Variants in PDE10A observed in about 807,000 individuals in gnomAD.
PDE10A encodes the protein cAMP and cAMP-inhibited cGMP 3',5'-cyclic phosphodiesterase 10A.
PDE10A carries 39 observed loss-of-function variants against 97.7 expected under a neutral mutation model. That is an observed-to-expected ratio of 0.40 (90% confidence interval 0.31 to 0.52). The LOEUF is 0.52. PDE10A is among the 20% of genes least tolerant of loss of function. The pLI is 0.56. For missense variants in PDE10A, 731 were observed against 1,047.8 expected (o/e 0.70, Z 4.17); for synonymous variants, 371 against 376.8 (o/e 0.98, Z 0.18).
At chr6:165,970,813 A>T (rs776359) in intron 1 of PDE10A, among the ~76,000 whole-genome samples, 90,402 of 152,090 alleles carry the variant, frequency 0.59, 28,197 homozygotes, top group East Asian at 0.92. Flanking sequence ...AGAAAGTATT[A>T]TCAGAACATG....
intron 5 of PDE10A, among the ~76,000 whole-genome samples, chr6:165,442,771 C>T (rs1372388964): frequency 1.3e-5 from 2 of 152,050 alleles, no homozygotes; most frequent in South Asian, 2.1e-4. Context: ...CAAGACCAAT[C>T]AGGTCTTCCC....
chr6:165,744,070 A>G (rs1192561792), intron 1 of PDE10A, among the ~76,000 whole-genome samples: 2 of 152,212 alleles, frequency 1.3e-5, no homozygotes, highest in Non-Finnish European at 2.9e-5. Flanking sequence ...CAGGTCATCT[A>G]TTTAAAAGGA....
At chr6:165,973,310 T>A (rs927545426) in intron 1 of PDE10A, among the ~76,000 whole-genome samples, 1 of 151,914 alleles carries the variant, frequency 6.6e-6, no homozygotes, top group Non-Finnish European at 1.5e-5. Flanking sequence ...TCCCAGCTAC[T>A]TGGGAGGCAG....
chr6:165,683,044 G>A (rs565399730), intron 1 of PDE10A, among the ~76,000 whole-genome samples: 81 of 152,278 alleles, frequency 5.3e-4, no homozygotes, highest in Non-Finnish European at 8.4e-4. Flanking sequence ...CTGCATAGAC[G>A]GTTGCACCTT....
intron 1 of PDE10A, among the ~76,000 whole-genome samples, chr6:165,933,832 G>C (rs1562804796): frequency 6.6e-6 from 1 of 152,184 alleles, no homozygotes; most frequent in East Asian, 1.9e-4. Context: ...TACCTTCCAA[G>C]TGTAGCCGGG....
In PDE10A at chr6:165,603,654, G is replaced by C. The variant is rs552887064; in HGVS notation, c.865+58293C>G. Among the ~76,000 whole-genome samples, 96 of 152,368 alleles carry C rather than the reference G, an allele frequency of 6.3e-4. 2 individuals are homozygous for C. The highest frequency in any genetic ancestry group is 1.3e-3 in the African/African-American group (52 of 41,588). On this transcript the variant is annotated intron_variant, in intron 1 of 21. Coordinates refer to ENST00000539869, the MANE Select transcript of PDE10A (RefSeq NM_001385079.1). ...GGAGCAGCGTCCCAGTGAGGACTCT[G>C]GGGAGGGCCCATGCTCTGTGTCCTA...
intron 1 of PDE10A, among the ~76,000 whole-genome samples, chr6:165,729,012 A>G (rs1480869557): frequency 6.6e-6 from 1 of 152,222 alleles, no homozygotes; most frequent in Non-Finnish European, 1.5e-5. Flanking sequence ...AGCCTGGACA[A>G]CATGGTGAGA....
At chr6:165,964,960 G>T (rs192259089) in intron 1 of PDE10A, among the ~76,000 whole-genome samples, 1 of 152,206 alleles carries the variant, frequency 6.6e-6, no homozygotes. Context: ...GGGGAGAGAG[G>T]CATCAAGCCT....
intron 1 of PDE10A, among the ~76,000 whole-genome samples, chr6:165,929,256 C>T (rs879573796): frequency 1.3e-5 from 2 of 152,180 alleles, no homozygotes; most frequent in South Asian, 2.1e-4. Flanking sequence ...CAGGAGTCCT[C>T]GAGTGCAGGT....
chr6:165,422,402 TACGCATAC>T, intron 10 of PDE10A, among the ~76,000 whole-genome samples: 1 of 140,018 alleles, frequency 7.1e-6, no homozygotes, highest in Non-Finnish European at 1.5e-5. Flanking sequence ...CATACACACA[TACGCATAC>T]ACACATATGC....
chr6:165,407,329 A>G (rs553646549), intron 13 of PDE10A, among the ~76,000 whole-genome samples: 1 of 152,300 alleles, frequency 6.6e-6, no homozygotes, highest in South Asian at 2.1e-4. Context: ...CCCTGGCTCT[A>G]TCACATACTT....
Position 165,332,191 on chromosome 6 carries a change from A to G in PDE10A, c.*834T>C, listed in dbSNP as rs1363737138. 6.6e-6 allele frequency: 1 copy of G among 152,212 alleles called. No homozygotes were observed. Among genetic ancestry groups the G allele is most frequent in the Non-Finnish European group, 1.5e-5 (1 of 68,036 alleles). 9.4% of individuals were successfully genotyped at this position (152,212 alleles called of 1,614,324 possible). On this transcript the variant is annotated 3_prime_UTR_variant, in exon 22 of 22. Coordinates refer to ENST00000539869, the MANE Select transcript of PDE10A (RefSeq NM_001385079.1). ...AGACTTGTCCATTAAAAAAATTACAATGCCGAGCTTTTATTTTGTTCTTTA... is the reference window on the plus strand; with the variant it reads ...AGACTTGTCCATTAAAAAAATTACAGTGCCGAGCTTTTATTTTGTTCTTTA...
intron 17 of PDE10A, among the ~76,000 whole-genome samples, chr6:165,386,773 C>T (rs1217407849): frequency 1.3e-5 from 2 of 150,940 alleles, no homozygotes; most frequent in South Asian, 2.1e-4. Flanking sequence ...GAGGCTGAGG[C>T]GGGCGGATCA....
At position 165,662,907 on chromosome 6, in the gene PDE10A, C is replaced by G. The variant is rs1441386052; in HGVS notation, c.-96G>C. ...TCCGCCCCCGCAGGACCTGCCCACCCCTGCCGGCCGCCCGAACCGCTGCCT... is the reference window on the plus strand; with the variant it reads ...TCCGCCCCCGCAGGACCTGCCCACCGCTGCCGGCCGCCCGAACCGCTGCCT... On this transcript the variant is annotated 5_prime_UTR_variant, in exon 1 of 22. Transcript: ENST00000539869. Among the ~76,000 whole-genome samples, 1 of 151,058 alleles carries G rather than the reference C, an allele frequency of 6.6e-6. No homozygotes were observed. Among genetic ancestry groups the G allele is most frequent in the African/African-American group, 2.4e-5 (1 of 41,236 alleles).
At chr6:165,781,095 T>C (rs1249382696) in intron 1 of PDE10A, 1 of 152,226 alleles carries the variant, frequency 6.6e-6, no homozygotes, top group East Asian at 1.9e-4. Flanking sequence ...GGGAATGGAA[T>C]AGTCCCATGA....
At chr6:165,973,425 A>T (rs879904696) in intron 1 of PDE10A, among the ~76,000 whole-genome samples, 36 of 147,536 alleles carry the variant, frequency 2.4e-4, no homozygotes, top group African/African-American at 8.6e-4. Context: ...AAAAAAAAAA[A>T]AATAAAATAA....
At chr6:165,504,954 G>A (rs1390538398) in intron 2 of PDE10A, among the ~76,000 whole-genome samples, 1 of 152,104 alleles carries the variant, frequency 6.6e-6, no homozygotes, top group East Asian at 1.9e-4. Flanking sequence ...CAGGGCCTGC[G>A]GTTCCCACTT....
intron 1 of PDE10A, among the ~76,000 whole-genome samples, chr6:165,682,298 A>AT (rs766483362): frequency 3.1e-4 from 47 of 151,812 alleles, no homozygotes; most frequent in Non-Finnish European, 8.8e-5. Flanking sequence ...CACACAGCTA[A>AT]TTTTTTACAT....
chr6:165,735,932 A>G (rs1009996639), intron 1 of PDE10A, among the ~76,000 whole-genome samples: 1 of 152,224 alleles, frequency 6.6e-6, no homozygotes, highest in African/African-American at 2.4e-5. Context: ...CAGAGAAGAA[A>G]GATTATTTGA....
Sources: gnomAD v4.1 joint callset for allele counts (sites outside exome capture counted in the v4.1 genomes callset) on GRCh38, gnomAD v4.1.1 for gene constraint, MANE v1.5 for transcripts, NCBI Gene and HGNC (gene_info 2026-07-23, HGNC 2026-07-21) for gene names.